Variants in RAB27B observed in about 807,000 individuals in gnomAD.
RAB27B encodes the protein ras-related protein Rab-27B.
A neutral mutation model predicts 24.6 loss-of-function variants in RAB27B; 15 were observed. The ratio of observed to expected loss-of-function variants is 0.61; its 90% CI spans 0.41 to 0.94. The LOEUF is 0.94. RAB27B is among the 40% of genes least tolerant of loss of function. The probability of loss-of-function intolerance (pLI) is 0.00; values close to 1 mark genes in which losing one functional copy is unlikely to be tolerated. For missense variants in RAB27B, 261 were observed against 266.8 expected (o/e 0.98, Z 0.15); for synonymous variants, 105 against 92.5 (o/e 1.14, Z -0.78).
chr18:54,732,494 G>T (rs1345322377), intron 2 of RAB27B, among the ~76,000 whole-genome samples: 2 of 152,096 alleles, frequency 1.3e-5, no homozygotes, highest in Non-Finnish European at 2.9e-5. Flanking sequence ...ATCATTACTG[G>T]AAACAGAAGC....
intron 2 of RAB27B, among the ~76,000 whole-genome samples, chr18:54,754,640 A>G (rs187710187): frequency 6.6e-6 from 1 of 152,336 alleles, no homozygotes; most frequent in East Asian, 1.9e-4. Flanking sequence ...AAGGTAAACT[A>G]AGCTGTAACT....
At chr18:54,826,295 T>C (rs1910470403), upstream of RAB27B, among the ~76,000 whole-genome samples, 1 of 152,212 alleles carries the variant, frequency 6.6e-6, no homozygotes, top group African/African-American at 2.4e-5. Context: ...ACTATTATTA[T>C]CATGACACAC....
Position 54,805,457 on chromosome 18 carries a change from G to A in RAB27B, c.-19-72110G>A, listed in dbSNP as rs549088668. On this transcript the variant is annotated intron_variant, in intron 2 of 4. Transcript: ENST00000586570. Reference sequence around the variant, plus strand: ...AAATTTATGTCTTCCTATTTAAAATGTCAGGGTACTTTCTAGGTACATATA... The same window carrying A: ...AAATTTATGTCTTCCTATTTAAAATATCAGGGTACTTTCTAGGTACATATA... Among the ~76,000 whole-genome samples the A allele has an allele frequency of 1.6e-3, 239 of 152,174 alleles. 1 individual carries two copies. The highest frequency in any genetic ancestry group is 5.5e-3 in the African/African-American group (227 of 41,522).
intron 2 of RAB27B, among the ~76,000 whole-genome samples, chr18:54,787,737 A>C (rs1568065830): frequency 1.3e-5 from 2 of 152,156 alleles, no homozygotes; most frequent in African/African-American, 2.4e-5. Flanking sequence ...TTAAAAAAAA[A>C]AAAAAACCTT....
chr18:54,855,337 C>A lies in RAB27B; in HGVS notation c.-19-22230C>A, dbSNP rs767707531. Among the ~76,000 whole-genome samples, 3 of 152,280 alleles carry A rather than the reference C, an allele frequency of 2.0e-5. No individual in the cohort carries two copies. In the East Asian group the frequency reaches 5.8e-4, roughly 29 times the overall value. ...GCCCAGTTCCTAACAGGCCACTGAC[C>A]AATGGGACCATGCCAAGGGTCCATG... On this transcript the variant is annotated intron_variant, in intron 1 of 5. Transcript: ENST00000262094.
At chr18:54,719,277 G>C (rs1568040899) in intron 2 of RAB27B, among the ~76,000 whole-genome samples, 1 of 151,940 alleles carries the variant, frequency 6.6e-6, no homozygotes, top group African/African-American at 2.4e-5. Flanking sequence ...AAAGTGTTTA[G>C]GTATCAAAGT....
intron 2 of RAB27B, among the ~76,000 whole-genome samples, chr18:54,766,401 C>T (rs186469656): frequency 6.4e-4 from 97 of 152,240 alleles, no homozygotes; most frequent in African/African-American, 2.2e-3. Flanking sequence ...ACCTGGGTTT[C>T]ATTTCTGGCT....
chr18:54,831,133 G>A lies in RAB27B; in HGVS notation c.-20+2433G>A, dbSNP rs188945015. On this transcript the variant is annotated intron_variant, in intron 1 of 5. Transcript: ENST00000262094. ...AGTGCTCAGCAGAGAGTATAAAGCC[G>A]AGGAGGCATGCAGAAAGTGTCAGTG... Among the ~76,000 whole-genome samples, 169 of 152,270 alleles carry A rather than the reference G, an allele frequency of 1.1e-3. 1 individual carries two copies. The highest frequency in any genetic ancestry group is 2.6e-3 in the African/African-American group (110 of 41,566).
intron 2 of RAB27B, among the ~76,000 whole-genome samples, chr18:54,816,291 G>A (rs749349260): frequency 1.3e-5 from 2 of 152,184 alleles, no homozygotes; most frequent in South Asian, 2.1e-4. Flanking sequence ...GGTGAAATAC[G>A]ATAATAGTTG....
At chr18:54,869,005 T>C (rs1396433414) in intron 1 of RAB27B, among the ~76,000 whole-genome samples, 2 of 152,216 alleles carry the variant, frequency 1.3e-5, no homozygotes, top group Admixed American at 6.5e-5. Context: ...TCCTGATCAT[T>C]TTCTCATCTG....
In RAB27B at chr18:54,833,222, T is replaced by TTTTC. The variant is rs761572436; in HGVS notation, c.-20+4534_-20+4537dup. Among the ~76,000 whole-genome samples, 127 of 104,488 alleles carry TTTTC rather than the reference T, an allele frequency of 1.2e-3. 1 individual carries two copies. Among genetic ancestry groups the TTTTC allele is most frequent in the Middle Eastern group, 5.4e-3 (1 of 186 alleles). The allele number at this position is 104,488 out of a possible 152,430, so 68.5% of individuals were successfully genotyped here. On this transcript the variant is annotated intron_variant, in intron 1 of 5. Coordinates refer to ENST00000262094, the MANE Select transcript of RAB27B (RefSeq NM_004163.4). ...CATCTCCCTCTTCTTTCTTTTCTTTTTTTCTTTCTTTCTTTTTTTTTTTTT... is the reference window on the plus strand; with the variant it reads ...CATCTCCCTCTTCTTTCTTTTCTTTTTTTCTTTCTTTCTTTCTTTTTTTTTTTTT...
At chr18:54,870,458 AAGTCT>A (rs1397492030) in intron 1 of RAB27B, among the ~76,000 whole-genome samples, 2 of 152,174 alleles carry the variant, frequency 1.3e-5, no homozygotes, top group Admixed American at 6.5e-5. Context: ...AGAAACAAAG[AAGTCT>A]AATCCTCACT....
At chr18:54,880,188 T>A (rs1264593032) in intron 3 of RAB27B, 1 of 152,306 alleles carries the variant, frequency 6.6e-6, no homozygotes, top group Non-Finnish European at 1.5e-5. Context: ...AAAATTGTCA[T>A]CTTTACAGGT....
At position 54,850,080 on chromosome 18, in the gene RAB27B, G is replaced by A. The variant is rs115187459; in HGVS notation, c.-20+21380G>A. Among the ~76,000 whole-genome samples, 242 of 151,510 alleles carry A rather than the reference G, an allele frequency of 1.6e-3. 4 individuals are homozygous for A. Among genetic ancestry groups the A allele is most frequent in the African/African-American group, 5.7e-3 (237 of 41,286 alleles). ...GTATTAAGACCCCCAAATCTGAAGG[G>A]CAATTAGCCAACTCCTAGATCATCT... is the stretch of plus-strand genomic sequence containing the variant. On this transcript the variant is annotated intron_variant, in intron 1 of 5. Coordinates refer to ENST00000262094, the MANE Select transcript of RAB27B (RefSeq NM_004163.4).
chr18:54,718,420 C>A (rs778484679), intron 2 of RAB27B, among the ~76,000 whole-genome samples: 2 of 152,132 alleles, frequency 1.3e-5, no homozygotes, highest in Non-Finnish European at 2.9e-5. Flanking sequence ...CTGCAGACTG[C>A]GTGCATGGAT....
At chr18:54,741,912 CATAGTCT>C (rs1910084869) in intron 2 of RAB27B, among the ~76,000 whole-genome samples, 1 of 152,182 alleles carries the variant, frequency 6.6e-6, no homozygotes, top group Non-Finnish European at 1.5e-5. Context: ...TATCTGAAGA[CATAGTCT>C]AGAGTTAAAT....
chr18:54,843,383 C>G (rs1911196617), intron 1 of RAB27B, among the ~76,000 whole-genome samples: 1 of 151,786 alleles, frequency 6.6e-6, no homozygotes, highest in Non-Finnish European at 1.5e-5. Context: ...GCAGTGCCAG[C>G]CTATTCTATA....
rs1913287463 is a variant in RAB27B, at chr18:54,889,619, A to G, written c.*206A>G. 2.1e-6 allele frequency: 1 copy of G among 466,270 alleles called. No individual in the cohort carries two copies. Among genetic ancestry groups the G allele is most frequent in the African/African-American group, 2.0e-5 (1 of 50,210 alleles). 28.9% of individuals were successfully genotyped at this position (466,270 alleles called of 1,614,324 possible). A position where few individuals can be genotyped will look rare whatever the true frequency, so the allele number is the denominator to read the frequency against. ...CCCTGAGGCCCTTTCAAACATGATC[A>G]AAGATTTCCCAATGTGATCTCATCA... On this transcript the variant is annotated 3_prime_UTR_variant, in exon 6 of 6. Coordinates refer to ENST00000262094, the MANE Select transcript of RAB27B (RefSeq NM_004163.4).
In RAB27B at chr18:54,857,604, A is replaced by G. The variant is rs1911836229; in HGVS notation, c.-19-19963A>G. 2.0e-5 allele frequency among the ~76,000 whole-genome samples: 3 copies of G among 152,236 alleles called. No individual in the cohort carries two copies. In the South Asian group the frequency reaches 6.2e-4, roughly 32 times the overall value. ...AGGTTAAATAGAAGCCTGGCATATA[A>G]ATAGAAGATGTGCATGCACGAGCTT... On this transcript the variant is annotated intron_variant, in intron 1 of 5. Transcript: ENST00000262094.
Sources: allele counts gnomAD v4.1 joint callset (sites outside exome capture counted in the v4.1 genomes callset), GRCh38; gene constraint gnomAD v4.1.1; transcripts MANE v1.5; gene names NCBI Gene and HGNC (gene_info 2026-07-23, HGNC 2026-07-21).